SPAG17: variants seen among roughly 807,000 people sequenced by gnomAD.
SPAG17 encodes sperm associated antigen 17.
In SPAG17, 169 loss-of-function variants were observed where a neutral mutation model predicts 273.6. That is an observed-to-expected ratio of 0.62 (90% CI 0.55 to 0.70). SPAG17 has a LOEUF of 0.70. SPAG17 is among the 30% of genes least tolerant of loss of function. SPAG17 has a pLI of 0.00. For synonymous variants in SPAG17, 825 were observed against 873.2 expected (o/e 0.94, Z 0.97); for missense variants, 2,557 against 2,627.8 (o/e 0.97, Z 0.59).
chr1:118,168,963 C>G (rs1660297132), intron 1 of SPAG17, among the ~76,000 whole-genome samples: 1 of 152,084 alleles, frequency 6.6e-6, no homozygotes, highest in Non-Finnish European at 1.5e-5. Context: ...CCACATTAGG[C>G]AGAGCTGTGA....
intron 1 of SPAG17, 46 bp from the exon 2 acceptor site, chr1:118,151,415 G>T (rs374896012): frequency 6.7e-7 from 1 of 1,488,870 alleles, no homozygotes; most frequent in African/African-American, 1.4e-5. Flanking sequence ...TCCTGAATAG[G>T]TCATTTCGTG....
At position 118,078,996 on chromosome 1, in the gene SPAG17, G is replaced by A. The variant is rs566359496; in HGVS notation, c.2209+2105C>T. ...ATTTAGAATTTTTGCATCTATGTTC[G>A]TGAATGAGTTTAATTTAATGAATTA... On this transcript the variant is annotated intron_variant, in intron 15 of 48. Transcript: ENST00000336338. Among the ~76,000 whole-genome samples, 63 of 152,014 alleles carry A rather than the reference G, an allele frequency of 4.1e-4. No individual in the cohort carries two copies. The South Asian group carries it at 8.9e-3, about 22-fold the overall frequency.
At chr1:118,085,785 A>G (rs1009174639) in intron 13 of SPAG17, 137 bp downstream of exon 13, 8 of 745,614 alleles carry the variant, frequency 1.1e-5, no homozygotes, top group African/African-American at 1.9e-5. Context: ...AGTTGTAGTC[A>G]ATCAAAATAC....
chr1:118,042,092 T>C (rs1249183478), intron 20 of SPAG17, 50 bp from the exon 21 acceptor site: 1 of 1,577,836 alleles, frequency 6.3e-7, no homozygotes. Flanking sequence ...GAATTAAACA[T>C]AGGTTCCATT....
At chr1:118,097,016 C>T (rs190707731) in intron 7 of SPAG17, among the ~76,000 whole-genome samples, 6 of 152,268 alleles carry the variant, frequency 3.9e-5, no homozygotes, top group Non-Finnish European at 7.4e-5. Flanking sequence ...AGGTGGATCA[C>T]CTGAGGTCAG....
intron 32 of SPAG17, among the ~76,000 whole-genome samples, chr1:118,002,311 C>T (rs147902258): frequency 1.7e-3 from 251 of 152,058 alleles, no homozygotes; most frequent in Middle Eastern, 6.8e-3. Context: ...TGATTTGGGG[C>T]GGAGAGTTCT....
In SPAG17 at chr1:118,086,954, T is replaced by C. The variant is rs1377113994; in HGVS notation, c.1414A>G (p.Arg472Gly). The C allele has an allele frequency of 8.2e-6, 13 of 1,594,758 alleles. No individual in the cohort carries two copies. Among genetic ancestry groups the C allele is most frequent in the Non-Finnish European group, 1.0e-5 (12 of 1,173,014 alleles). ...VPPSLREPSP[R>G]ADGLDHRIAA... ...ATTCTGTGGTCTAGCCCGTCTGCTC[T>C]GGGGGATGGCTCCCGCAGACTGGGT... Residue 472 changes from arginine to glycine, a missense_variant, in exon 11 of 49, where the codon AGA becomes GGA. Transcript: ENST00000336338.
intron 26 of SPAG17, among the ~76,000 whole-genome samples, chr1:118,025,619 C>T (rs1037268900): frequency 1.3e-5 from 2 of 152,014 alleles, no homozygotes; most frequent in Non-Finnish European, 2.9e-5. Context: ...GCCTTCTGAG[C>T]AGCTGGGACT....
At chr1:118,030,496 A>T (rs904452671) in intron 25 of SPAG17, among the ~76,000 whole-genome samples, 13 of 151,960 alleles carry the variant, frequency 8.6e-5, no homozygotes, top group Non-Finnish European at 7.4e-5. Flanking sequence ...TATATGTACC[A>T]TGGTGGCATG....
At chr1:117,985,393 A>C (rs1214466328) in intron 40 of SPAG17, among the ~76,000 whole-genome samples, 4 of 152,196 alleles carry the variant, frequency 2.6e-5, no homozygotes, top group African/African-American at 9.6e-5. Context: ...CTCAACTGGG[A>C]AACTTTTCCT....
At chr1:118,169,879 T>C (rs1253500263) in intron 1 of SPAG17, among the ~76,000 whole-genome samples, 2 of 152,112 alleles carry the variant, frequency 1.3e-5, no homozygotes, top group Admixed American at 1.3e-4. Context: ...CTATGTTTAA[T>C]AATAGAAAAA....
At chr1:117,956,431 T>G (rs4658973) in intron 48 of SPAG17, among the ~76,000 whole-genome samples, 51,954 of 152,094 alleles carry the variant, frequency 0.34, 10,599 homozygotes, top group Non-Finnish European at 0.46. Flanking sequence ...AAACAACACT[T>G]GTCTTAGGAT....
At chr1:118,016,979 T>C (rs1205054919) in intron 28 of SPAG17, among the ~76,000 whole-genome samples, 1 of 152,146 alleles carries the variant, frequency 6.6e-6, no homozygotes, top group African/African-American at 2.4e-5. Context: ...TGAAACAAAT[T>C]GCAAGTAATG....
chr1:117,955,079 T>C (rs1301616967), intron 48 of SPAG17: 3 of 435,788 alleles, frequency 6.9e-6, no homozygotes, highest in Non-Finnish European at 1.2e-5. Context: ...TGAGTCAGGG[T>C]ATCTTCACCT....
intron 3 of SPAG17, among the ~76,000 whole-genome samples, chr1:118,147,272 T>A (rs1355676861): frequency 6.6e-6 from 1 of 151,768 alleles, no homozygotes; most frequent in African/African-American, 2.4e-5. Flanking sequence ...ACGAGTATGT[T>A]TGTTAATATT....
rs1655019763 is a variant in SPAG17 at position 118,086,674 on chromosome 1, T to C, written c.1608A>G (p.Leu536=). 4 of 1,613,760 alleles carry C rather than the reference T, an allele frequency of 2.5e-6. No individual in the cohort carries two copies. Among genetic ancestry groups the C allele is most frequent in the Non-Finnish European group, 2.5e-6 (3 of 1,179,632 alleles). The change falls in exon 12 of 49, where the codon CTA becomes CTG. Residue 536 remains leucine, a synonymous_variant. Coordinates refer to ENST00000336338, the MANE Select transcript of SPAG17 (RefSeq NM_206996.4). ...GGGCTAACCTGATTATTATTACCTG[T>C]AGTGCGTACTTCTTGTGGGCGTGTG... ...HDAHAHKKYA[L]QDQKNFDPVQ... is the part of the protein sequence containing the mutation.
At chr1:118,069,116 T>C (rs761239319) in intron 17 of SPAG17, among the ~76,000 whole-genome samples, 3 of 151,726 alleles carry the variant, frequency 2.0e-5, no homozygotes, top group Non-Finnish European at 4.4e-5. Context: ...GAGTCCAAGG[T>C]GGGTGGATCA....
In SPAG17 at chr1:117,994,314, T is replaced by A. The variant is rs145590258; in HGVS notation, c.5178+92A>T. The A allele has an allele frequency of 7.8e-6, 10 of 1,284,744 alleles. No individual in the cohort carries two copies. In the African/African-American group the frequency reaches 1.4e-4, roughly 17 times the overall value. The allele number at this position is 1,284,744 out of a possible 1,614,324, so 79.6% of individuals were successfully genotyped here. On this transcript the variant is annotated intron_variant, in intron 35 of 48. Coordinates refer to ENST00000336338, the MANE Select transcript of SPAG17 (RefSeq NM_206996.4). The stretch of plus-strand genomic sequence containing the variant: ...AAATTTACATAAGAATGAAAATATA[T>A]GAATATATGGGAGAAGACTTAAGAC...
intron 22 of SPAG17, 88 bp from the exon 23 acceptor site, chr1:118,039,532 A>T (rs1649493829): frequency 7.4e-7 from 1 of 1,356,372 alleles, no homozygotes; most frequent in Non-Finnish European, 1.0e-6. Flanking sequence ...GCTGCACAGA[A>T]ACAAACACAC....
Sources: gnomAD v4.1 joint callset for allele counts (sites outside exome capture counted in the v4.1 genomes callset) on GRCh38, gnomAD v4.1.1 for gene constraint, MANE v1.5 for transcripts, NCBI Gene and HGNC (gene_info 2026-07-23, HGNC 2026-07-21) for gene names.